The following PARD3B variants were observed in gnomAD, a reference collection of about 807,000 sequenced individuals.
PARD3B encodes par-3 family cell polarity regulator beta.
A neutral mutation model predicts 130.2 loss-of-function variants in PARD3B; 103 were observed. The observed-to-expected ratio is 0.79, with a 90% confidence interval of 0.67 to 0.93. PARD3B has a LOEUF of 0.93. Among genes scored for constraint, PARD3B ranks in the 40% least tolerant of loss-of-function variants. The probability of loss-of-function intolerance (pLI) is 0.00; values close to 1 mark genes in which losing one functional copy is unlikely to be tolerated. For synonymous variants in PARD3B, 583 were observed against 553.2 expected (o/e 1.05, Z -0.76); for missense variants, 1,609 against 1,499.2 (o/e 1.07, Z -1.21).
chr2:204,624,014 A>G (rs563780986), intron 1 of PARD3B, among the ~76,000 whole-genome samples: 11 of 152,278 alleles, frequency 7.2e-5, no homozygotes, highest in South Asian at 2.1e-4. Context: ...CATGGTATGT[A>G]TATACTACAT....
At chr2:204,674,174 G>A (rs949199914) in intron 1 of PARD3B, among the ~76,000 whole-genome samples, 1 of 151,974 alleles carries the variant, frequency 6.6e-6, no homozygotes, top group East Asian at 1.9e-4. Flanking sequence ...TTCTAGTTGG[G>A]GCAGACTAAG....
intron 2 of PARD3B, among the ~76,000 whole-genome samples, chr2:204,879,739 G>T (rs571084578): frequency 6.6e-6 from 1 of 152,196 alleles, no homozygotes; most frequent in Non-Finnish European, 1.5e-5. Context: ...AAAGATTGGG[G>T]AATTGAATGT....
chr2:204,608,149 CA>C (rs1425177380), intron 1 of PARD3B, among the ~76,000 whole-genome samples: 2 of 151,914 alleles, frequency 1.3e-5, no homozygotes, highest in African/African-American at 2.4e-5. Context: ...AGACAGGCAA[CA>C]GGGGGGAATT....
chr2:205,442,207 C>T (rs1256943627), intron 20 of PARD3B, among the ~76,000 whole-genome samples: 1 of 149,690 alleles, frequency 6.7e-6, no homozygotes, highest in Non-Finnish European at 1.5e-5. Flanking sequence ...AAATGTGAGG[C>T]ATTTTATAAA....
chr2:204,997,200 C>T (rs1042906379), intron 3 of PARD3B, among the ~76,000 whole-genome samples: 6 of 152,186 alleles, frequency 3.9e-5, no homozygotes, highest in Admixed American at 2.0e-4. Flanking sequence ...GTGTTGTTCA[C>T]AGCCAAGAAT....
intron 15 of PARD3B, among the ~76,000 whole-genome samples, chr2:205,211,103 C>A (rs2037608882): frequency 6.6e-6 from 1 of 152,046 alleles, no homozygotes; most frequent in African/African-American, 2.4e-5. Context: ...ACTGCTTAAT[C>A]TGGGTCAAGT....
chr2:204,765,116 A>G (rs931638838), intron 2 of PARD3B, among the ~76,000 whole-genome samples: 5 of 152,182 alleles, frequency 3.3e-5, no homozygotes, highest in Non-Finnish European at 7.3e-5. Context: ...CTACCTTGCA[A>G]TATTTAGCTG....
At chr2:205,290,256 C>T (rs1417660012) in intron 16 of PARD3B, among the ~76,000 whole-genome samples, 2 of 152,174 alleles carry the variant, frequency 1.3e-5, no homozygotes, top group Non-Finnish European at 2.9e-5. Context: ...CCTATACATT[C>T]TCTGGTGTTA....
intron 1 of PARD3B, among the ~76,000 whole-genome samples, chr2:204,578,270 C>G (rs1008796862): frequency 6.6e-6 from 1 of 152,076 alleles, no homozygotes; most frequent in African/African-American, 2.4e-5. Flanking sequence ...ACATAGGGAG[C>G]GTCTTGGCTT....
chr2:204,914,734 G>A (rs1046543380), intron 2 of PARD3B, among the ~76,000 whole-genome samples: 1 of 152,186 alleles, frequency 6.6e-6, no homozygotes, highest in African/African-American at 2.4e-5. Flanking sequence ...GAGAGGGAAA[G>A]AAAAGAAATA....
intron 20 of PARD3B, among the ~76,000 whole-genome samples, chr2:205,495,376 C>G (rs556394922): frequency 3.9e-5 from 6 of 152,228 alleles, no homozygotes; most frequent in Non-Finnish European, 5.9e-5. Flanking sequence ...TATAGGGATA[C>G]AGCTGTAATA....
Position 204,677,329 on chromosome 2 carries a change from T to A in PARD3B, c.121-8852T>A, listed in dbSNP as rs2036599875. 6.6e-6 allele frequency among the ~76,000 whole-genome samples: 1 copy of A among 152,220 alleles called. No individual in the cohort carries two copies. The highest frequency in any genetic ancestry group is 1.5e-5 in the Non-Finnish European group (1 of 68,040). On this transcript the variant is annotated intron_variant, in intron 1 of 22. Transcript: ENST00000406610. The surrounding 1 kb of genome is among the most constrained non-coding windows in gnomAD (Gnocchi z 4.1). ...AGAGGACGTATGTTCACTTCCATTG[T>A]GGTGTCTCCCTAAGGGATTTTTAGG...
At position 205,113,560 on chromosome 2, in the gene PARD3B, T is replaced by A. The variant is rs773247624; in HGVS notation, c.663T>A (p.Phe221Leu). 1.2e-6 allele frequency: 2 copies of A among 1,612,156 alleles called. No homozygotes were observed. The highest frequency in any genetic ancestry group is 1.7e-5 in the Admixed American group (1 of 59,832). ...TGGGAATACATGTAGTGCCCTTCTT[T>A]TCATCTCTGAGTGGAAGGTAAGATG... ...GPLGIHVVPF[F>L]SSLSGRILGL... The change falls in exon 6 of 23, where the codon TTT becomes TTA. Residue 221 changes from phenylalanine to leucine, a missense_variant. Physicochemically the swap from Phe to Leu is conservative, Grantham distance 22. Coordinates refer to ENST00000406610, the MANE Select transcript of PARD3B (RefSeq NM_001302769.2).
chr2:205,400,985 A>T, intron 18 of PARD3B, 28 bp from the exon 19 acceptor site: 1 of 1,514,024 alleles, frequency 6.6e-7, no homozygotes, highest in Non-Finnish European at 9.0e-7. Context: ...GATTATTGTT[A>T]ACAGCCTTCT....
At chr2:205,173,254 C>T (rs553395638) in intron 12 of PARD3B, among the ~76,000 whole-genome samples, 86 of 152,164 alleles carry the variant, frequency 5.7e-4, no homozygotes, top group African/African-American at 1.5e-3. Flanking sequence ...AAGAGTTCAG[C>T]GTAATAATTG....
intron 3 of PARD3B, among the ~76,000 whole-genome samples, chr2:205,040,571 A>T (rs1275540510): frequency 1.3e-5 from 2 of 152,202 alleles, no homozygotes; most frequent in African/African-American, 2.4e-5. Context: ...GAAATGTACT[A>T]CATGAAACCA....
At chr2:205,317,471 G>A (rs1320583176) in intron 18 of PARD3B, among the ~76,000 whole-genome samples, 1 of 152,090 alleles carries the variant, frequency 6.6e-6, no homozygotes, top group Non-Finnish European at 1.5e-5. Context: ...GGAAAATATA[G>A]CCTTTAAATA....
intron 2 of PARD3B, among the ~76,000 whole-genome samples, chr2:204,946,650 T>C (rs1689347392): frequency 6.6e-6 from 1 of 152,200 alleles, no homozygotes; most frequent in Admixed American, 6.5e-5. Flanking sequence ...CCAGAGAAAC[T>C]GAACCACTAG....
Position 205,351,935 on chromosome 2 carries a change from C to T in PARD3B, c.2631-49078C>T, listed in dbSNP as rs558245558. Among the ~76,000 whole-genome samples the T allele has an allele frequency of 2.6e-5, 4 of 152,190 alleles. No individual in the cohort carries two copies. Among genetic ancestry groups the T allele is most frequent in the African/African-American group, 4.8e-5 (2 of 41,520 alleles). On this transcript the variant is annotated intron_variant, in intron 18 of 22. Transcript: ENST00000406610. The surrounding 1 kb of genome is among the most constrained non-coding windows in gnomAD (Gnocchi z 4.2). ...AAGCTACCTGCCTCCCAGGTACACG[C>T]GTATTGCTGAGGAAACACAACCAAC...
Sources: gnomAD v4.1 joint callset for allele counts (sites outside exome capture counted in the v4.1 genomes callset) on GRCh38, gnomAD v4.1.1 for gene constraint, Gnocchi (gnomAD v3.1) non-coding constraint, MANE v1.5 for transcripts, NCBI Gene and HGNC (gene_info 2026-07-23, HGNC 2026-07-21) for gene names.